MYO16: variants seen among roughly 807,000 people sequenced by gnomAD.
MYO16 encodes unconventional myosin-XVI.
A neutral mutation model predicts 205.3 loss-of-function variants in MYO16; 94 were observed. The ratio of observed to expected loss-of-function variants is 0.46; its 90% CI spans 0.39 to 0.54. The LOEUF is 0.54. Ranked by LOEUF, MYO16 falls within the 20% of genes least tolerant of loss-of-function variation. The pLI is 0.00. For missense variants in MYO16, 2,315 were observed against 2,387.5 expected, an observed-to-expected ratio of 0.97 and a Z score of 0.63; for synonymous variants, 988 against 954.0, an observed-to-expected ratio of 1.04 and a Z score of -0.66.
chr13:108,624,784 AGTGTGT>A (rs6145237), upstream of MYO16, among the ~76,000 whole-genome samples: 377 of 90,854 alleles, frequency 4.1e-3, 4 homozygotes, highest in African/African-American at 0.012. Flanking sequence ...ATATAGCCTG[AGTGTGT>A]GTGTGTGTGT....
chr13:108,989,652 A>T (rs191299097), intron 20 of MYO16, among the ~76,000 whole-genome samples: 1 of 152,172 alleles, frequency 6.6e-6, no homozygotes, highest in Non-Finnish European at 1.5e-5. Flanking sequence ...AGCATTTCTC[A>T]TAGTCTTCTT....
chr13:108,599,285 A>G (rs1594134364), intron 1 of MYO16, among the ~76,000 whole-genome samples: 1 of 148,714 alleles, frequency 6.7e-6, no homozygotes, highest in East Asian at 2.0e-4. Context: ...TATTGTGAAT[A>G]GTGCCGCAAT....
intron 1 of MYO16, among the ~76,000 whole-genome samples, chr13:108,660,402 G>C (rs1881450528): frequency 6.6e-6 from 1 of 152,030 alleles, no homozygotes; most frequent in African/African-American, 2.4e-5. Flanking sequence ...TCATTGTGTT[G>C]CTGTCTAATT....
At chr13:108,789,649 G>A (rs906742966) in intron 5 of MYO16, among the ~76,000 whole-genome samples, 4 of 152,084 alleles carry the variant, frequency 2.6e-5, no homozygotes, top group Non-Finnish European at 4.4e-5. Context: ...CTGTTTGCTG[G>A]AACTACTTTA....
intron 34 of MYO16, among the ~76,000 whole-genome samples, chr13:109,190,393 A>T (rs1879861068): frequency 6.6e-6 from 1 of 152,180 alleles, no homozygotes; most frequent in Non-Finnish European, 1.5e-5. Flanking sequence ...ACATATAATC[A>T]GTCAGTGTAA....
At chr13:108,690,477 T>C (rs920378830) in intron 2 of MYO16, among the ~76,000 whole-genome samples, 12 of 151,536 alleles carry the variant, frequency 7.9e-5, no homozygotes, top group African/African-American at 2.9e-4. Context: ...TGTCATGCTA[T>C]GGCCTTAATT....
intron 23 of MYO16, among the ~76,000 whole-genome samples, chr13:109,022,709 A>G (rs1357182658): frequency 1.0e-5 from 1 of 100,308 alleles, no homozygotes. Context: ...TATATATTAT[A>G]TATACGCATA....
intron 23 of MYO16, among the ~76,000 whole-genome samples, chr13:109,023,292 A>C (rs1220591111): frequency 1.1e-5 from 1 of 92,418 alleles, no homozygotes; most frequent in Non-Finnish European, 1.9e-5. Context: ...TTTATATATT[A>C]TACAGATATA....
At chr13:108,503,755 T>A in the MYO16 span, among the ~76,000 whole-genome samples, 1 of 152,254 alleles carries the variant, frequency 6.6e-6, no homozygotes, top group South Asian at 2.1e-4. Context: ...GTAATATATA[T>A]GCACACATCA....
intron 2 of MYO16, among the ~76,000 whole-genome samples, chr13:108,681,068 T>A (rs1882441090): frequency 6.6e-6 from 1 of 152,240 alleles, no homozygotes; most frequent in Non-Finnish European, 1.5e-5. Flanking sequence ...CTTGCATTTT[T>A]AATCAAAAAC....
At chr13:109,196,547 GC>G (rs2139958416) in intron 34 of MYO16, among the ~76,000 whole-genome samples, 1 of 152,248 alleles carries the variant, frequency 6.6e-6, no homozygotes, top group East Asian at 1.9e-4. Flanking sequence ...AAATGACTTA[GC>G]TTTTACCTTA....
intron 12 of MYO16, among the ~76,000 whole-genome samples, chr13:108,870,310 G>T (rs1026514487): frequency 6.6e-6 from 1 of 151,614 alleles, no homozygotes; most frequent in Non-Finnish European, 1.5e-5. Context: ...ATATTTTGCT[G>T]AGGGCATCTA....
At chr13:108,927,923 C>T (rs970419414) in intron 16 of MYO16, among the ~76,000 whole-genome samples, 1 of 152,250 alleles carries the variant, frequency 6.6e-6, no homozygotes, top group African/African-American at 2.4e-5. Context: ...TGCACCATCT[C>T]GCGCCACCAC....
At chr13:108,724,538 C>CT (rs958088521) in intron 3 of MYO16, among the ~76,000 whole-genome samples, 18 of 151,952 alleles carry the variant, frequency 1.2e-4, no homozygotes, top group African/African-American at 1.9e-4. Flanking sequence ...TACCATCTTC[C>CT]TTTTTTTTAG....
intron 1 of MYO16, among the ~76,000 whole-genome samples, chr13:108,640,889 A>G (rs1296708347): frequency 6.6e-6 from 1 of 152,192 alleles, no homozygotes; most frequent in Non-Finnish European, 1.5e-5. Flanking sequence ...AGAACACACA[A>G]CATCATGGTT....
At chr13:108,559,665 G>C in the MYO16 span, among the ~76,000 whole-genome samples, 1 of 151,410 alleles carries the variant, frequency 6.6e-6, no homozygotes, top group Non-Finnish European at 1.5e-5. Flanking sequence ...AGTAGAGACG[G>C]GGTTTCACGT....
chr13:108,561,628 A>T, the MYO16 span, among the ~76,000 whole-genome samples: 1 of 152,254 alleles, frequency 6.6e-6, no homozygotes, highest in African/African-American at 2.4e-5. Flanking sequence ...TTAAGGCACT[A>T]GCACATTAAA....
chr13:108,826,326 T>C (rs1876263521), intron 9 of MYO16, among the ~76,000 whole-genome samples: 2 of 152,208 alleles, frequency 1.3e-5, no homozygotes, highest in South Asian at 4.1e-4. Context: ...TGGGAAAGAA[T>C]AGCCTTTTAC....
intron 9 of MYO16, among the ~76,000 whole-genome samples, chr13:108,826,433 T>C (rs1033412210): frequency 1.3e-5 from 2 of 152,096 alleles, no homozygotes; most frequent in African/African-American, 2.4e-5. Context: ...AAATGGATCA[T>C]TGACCTAATG....
Sources: allele counts gnomAD v4.1 joint callset (sites outside exome capture counted in the v4.1 genomes callset), GRCh38; gene constraint gnomAD v4.1.1; transcripts MANE v1.5; gene names NCBI Gene and HGNC (gene_info 2026-07-23, HGNC 2026-07-21).